Variants in NCALD observed in about 807,000 individuals in gnomAD.
NCALD encodes neurocalcin delta.
NCALD carries 10 observed loss-of-function variants against 18.6 expected under a neutral mutation model. The observed-to-expected ratio is 0.54, with a 90% CI of 0.33 to 0.91. NCALD has a LOEUF of 0.91. Among genes scored for constraint, NCALD ranks in the 40% least tolerant of loss-of-function variants. The pLI is 0.03. For synonymous variants in NCALD, 88 were observed against 87.4 expected (o/e 1.01, Z -0.04); for missense variants, 184 against 247.6 (o/e 0.74, Z 1.72).
chr8:101,880,288 C>T (rs546719170), intron 4 of NCALD, among the ~76,000 whole-genome samples: 2 of 152,256 alleles, frequency 1.3e-5, no homozygotes, highest in African/African-American at 2.4e-5. Context: ...GCCAGCCGCT[C>T]GGAGTGCGGG....
chr8:101,875,172 C>T (rs1563847474), intron 4 of NCALD, among the ~76,000 whole-genome samples: 1 of 152,200 alleles, frequency 6.6e-6, no homozygotes. Context: ...TTTTTCATTT[C>T]ACAGATGAAG....
intron 2 of NCALD, among the ~76,000 whole-genome samples, chr8:101,710,166 C>T (rs913961716): frequency 6.6e-6 from 1 of 152,140 alleles, no homozygotes; most frequent in Non-Finnish European, 1.5e-5. Context: ...CTGGGAAGTG[C>T]AAGGGGTTGG....
chr8:101,969,966 C>T (rs915231030), intron 2 of NCALD, among the ~76,000 whole-genome samples: 10 of 152,106 alleles, frequency 6.6e-5, no homozygotes, highest in African/African-American at 1.2e-4. Context: ...GATAATAGAG[C>T]ATACATCATT....
intron 1 of NCALD, among the ~76,000 whole-genome samples, chr8:101,778,248 C>T (rs1486141326): frequency 6.6e-6 from 1 of 152,172 alleles, no homozygotes; most frequent in Admixed American, 6.5e-5. Flanking sequence ...ACCATTCCTA[C>T]GTAACTGCCA....
chr8:102,058,464 C>G (rs1823729993), intron 1 of NCALD, among the ~76,000 whole-genome samples: 1 of 152,116 alleles, frequency 6.6e-6, no homozygotes, highest in African/African-American at 2.4e-5. Flanking sequence ...TCATTTTTCC[C>G]CCACAAAGAA....
chr8:101,903,059 C>T (rs1029572548), intron 3 of NCALD, among the ~76,000 whole-genome samples: 7 of 152,170 alleles, frequency 4.6e-5, no homozygotes, highest in South Asian at 4.1e-4. Context: ...GCTGCTTATG[C>T]GTGCTCCTTC....
intron 1 of NCALD, among the ~76,000 whole-genome samples, chr8:101,746,183 G>A (rs977485222): frequency 2.0e-5 from 3 of 152,190 alleles, no homozygotes; most frequent in Admixed American, 6.5e-5. Context: ...GTGAAAAGAT[G>A]AAATTCGGAA....
chr8:102,040,000 T>C (rs1822992370), intron 1 of NCALD, among the ~76,000 whole-genome samples: 1 of 152,144 alleles, frequency 6.6e-6, no homozygotes, highest in Admixed American at 6.5e-5. Context: ...GTAAGCCAAA[T>C]AAACCATTTT....
In NCALD at chr8:101,719,456, A is replaced by G. The variant is rs750817935; in HGVS notation, c.174T>C (p.Tyr58=). ...GCTCTGCAAATTTGGAAGCATCCCC[A>G]TAAGGGAAAAAGTTCCCATATATTT... ...FKKIYGNFFP[Y]GDASKFAEHV... The change falls in exon 2 of 4, where the codon TAT becomes TAC. Residue 58 remains tyrosine (Y), a synonymous_variant. Transcript: ENST00000220931. 22 of 1,614,230 alleles carry G rather than the reference A, an allele frequency of 1.4e-5. No homozygotes were observed. Among genetic ancestry groups the G allele is most frequent in the African/African-American group, 2.7e-5 (2 of 75,044 alleles).
chr8:102,092,163 T>A (rs552391496), intron 1 of NCALD, among the ~76,000 whole-genome samples: 1 of 152,342 alleles, frequency 6.6e-6, no homozygotes, highest in South Asian at 2.1e-4. Context: ...GACAGTGACC[T>A]GGTCGTCCTC....
intron 4 of NCALD, among the ~76,000 whole-genome samples, chr8:101,835,025 G>C (rs1814351689): frequency 6.6e-6 from 1 of 152,226 alleles, no homozygotes; most frequent in South Asian, 2.1e-4. Context: ...AAAGGGAAGA[G>C]ATTAACTGGG....
chr8:101,931,337 T>C (rs910515048), intron 2 of NCALD, among the ~76,000 whole-genome samples: 14 of 152,206 alleles, frequency 9.2e-5, no homozygotes, highest in African/African-American at 3.4e-4. Context: ...ATGTCTGGCC[T>C]TTTTCACAAG....
At chr8:101,898,384 T>C (rs907116486) in intron 3 of NCALD, among the ~76,000 whole-genome samples, 6 of 151,872 alleles carry the variant, frequency 4.0e-5, no homozygotes, top group South Asian at 2.1e-4. Context: ...GGATTTTTGT[T>C]TTTTTAAAAA....
intron 1 of NCALD, among the ~76,000 whole-genome samples, chr8:102,056,325 A>C (rs1269698): frequency 6.6e-6 from 1 of 152,094 alleles, no homozygotes; most frequent in Non-Finnish European, 1.5e-5. Flanking sequence ...CTCTGAGCCT[A>C]CCCTTTTAAA....
chr8:102,081,457 C>T (rs1054778215), intron 1 of NCALD, among the ~76,000 whole-genome samples: 1 of 145,860 alleles, frequency 6.9e-6, no homozygotes. Flanking sequence ...TAAAAGTATG[C>T]TGTGGCACAA....
chr8:102,088,179 A>G (rs1824803421), intron 1 of NCALD, among the ~76,000 whole-genome samples: 1 of 152,176 alleles, frequency 6.6e-6, no homozygotes, highest in African/African-American at 2.4e-5. Context: ...TGGGAGCTTG[A>G]CCTTGTAACC....
intron 4 of NCALD, chr8:101,852,811 G>A (rs561844664): frequency 1.3e-5 from 2 of 152,262 alleles, no homozygotes; most frequent in Admixed American, 1.3e-4. Context: ...CTCAGCTGTT[G>A]TTGCCGTATT....
intron 4 of NCALD, among the ~76,000 whole-genome samples, chr8:101,881,269 C>A (rs945454095): frequency 6.6e-6 from 1 of 152,104 alleles, no homozygotes; most frequent in African/African-American, 2.4e-5. Context: ...TTCACTGCAC[C>A]ATAGCACAGT....
chr8:101,795,535 C>G (rs1812607374), upstream of NCALD, among the ~76,000 whole-genome samples: 1 of 152,126 alleles, frequency 6.6e-6, no homozygotes, highest in African/African-American at 2.4e-5. Context: ...TATTTAGGGC[C>G]TCTTTTATAA....
Sources: allele counts gnomAD v4.1 joint callset (sites outside exome capture counted in the v4.1 genomes callset), GRCh38; gene constraint gnomAD v4.1.1; transcripts MANE v1.5; gene names NCBI Gene and HGNC (gene_info 2026-07-23, HGNC 2026-07-21).